Variants in TRIM55 observed in about 807,000 individuals in gnomAD.
TRIM55 encodes the protein tripartite motif containing 55.
TRIM55 carries 50 observed loss-of-function variants against 60.9 expected under a neutral mutation model. The ratio of observed to expected loss-of-function variants is 0.82; its 90% CI spans 0.65 to 1.04. TRIM55 has a LOEUF of 1.04. Ranked by LOEUF, TRIM55 falls within the 50% of genes least tolerant of loss-of-function variation. The pLI is 0.00. For missense variants in TRIM55, 681 were observed against 666.9 expected (o/e 1.02, Z -0.23); for synonymous variants, 237 against 238.1 (o/e 1.00, Z 0.04).
At chr8:66,128,565 G>C in intron 2 of TRIM55, 89 bp downstream of exon 2, 1 of 1,384,072 alleles carries the variant, frequency 7.2e-7, no homozygotes, top group Non-Finnish European at 9.9e-7. Context: ...CTGAATGCTT[G>C]TTTATCAATC....
upstream of TRIM55, among the ~76,000 whole-genome samples, chr8:66,122,050 A>C (rs952545797): frequency 5.3e-5 from 8 of 152,130 alleles, no homozygotes; most frequent in African/African-American, 1.9e-4. Flanking sequence ...TACAGCTCAC[A>C]CACCCACCCC....
chr8:66,168,305 G>A (rs1811434865), intron 9 of TRIM55, among the ~76,000 whole-genome samples: 1 of 152,146 alleles, frequency 6.6e-6, no homozygotes, highest in Admixed American at 6.5e-5. Context: ...TCTCACCATG[G>A]GTGACTGGCC....
At chr8:66,128,510 C>G (rs1808958917) in intron 2 of TRIM55, 34 bp downstream of exon 2, 1 of 1,591,804 alleles carries the variant, frequency 6.3e-7, no homozygotes, top group Non-Finnish European at 8.5e-7. Flanking sequence ...GTGTCAAGCC[C>G]ATCTGAAACT....
At chr8:66,139,057 A>C (rs369572073) in intron 4 of TRIM55, among the ~76,000 whole-genome samples, 16 of 152,326 alleles carry the variant, frequency 1.1e-4, no homozygotes, top group African/African-American at 3.8e-4. Context: ...ATCCATTTAT[A>C]GAAGGAAAGT....
chr8:66,174,616 T>A lies in TRIM55; in HGVS notation c.*23T>A. ...TGATATTCATTCCAACTGCTGCCCC[T>A]CTGTCTGCCTGGCTGAGATGCATGT... On this transcript the variant is annotated 3_prime_UTR_variant, in exon 10 of 10. Transcript: ENST00000315962. The A allele has an allele frequency of 6.4e-7, 1 of 1,573,108 alleles. No individual in the cohort carries two copies. Among genetic ancestry groups the A allele is most frequent in the Non-Finnish European group, 8.6e-7 (1 of 1,162,268 alleles).
intron 4 of TRIM55, among the ~76,000 whole-genome samples, chr8:66,141,115 C>G (rs1809789038): frequency 6.6e-6 from 1 of 152,134 alleles, no homozygotes; most frequent in Non-Finnish European, 1.5e-5. Context: ...CAAGACCAGC[C>G]CTGAAGCAAT....
At chr8:66,119,670 C>T in the TRIM55 span, among the ~76,000 whole-genome samples, 6 of 152,280 alleles carry the variant, frequency 3.9e-5, no homozygotes, top group East Asian at 9.6e-4. Flanking sequence ...TCACTCTAGC[C>T]AGAGAGTACA....
intron 4 of TRIM55, among the ~76,000 whole-genome samples, chr8:66,140,728 C>G (rs1488356688): frequency 6.6e-6 from 1 of 152,210 alleles, no homozygotes; most frequent in Non-Finnish European, 1.5e-5. Context: ...AGCTTGAGAG[C>G]CTGGTGGATT....
upstream of TRIM55, among the ~76,000 whole-genome samples, chr8:66,126,376 A>G (rs1808818782): frequency 6.6e-6 from 1 of 152,212 alleles, no homozygotes; most frequent in South Asian, 2.1e-4. Context: ...TTTTGGGTGT[A>G]TGTAGGAGGT....
chr8:66,133,893 G>A (rs547385486), intron 2 of TRIM55, among the ~76,000 whole-genome samples: 1 of 151,728 alleles, frequency 6.6e-6, no homozygotes, highest in South Asian at 2.1e-4. Context: ...ATATATGGAC[G>A]GATATATATA....
intron 9 of TRIM55, among the ~76,000 whole-genome samples, chr8:66,169,032 A>C (rs1811473723): frequency 6.6e-6 from 1 of 152,154 alleles, no homozygotes; most frequent in Non-Finnish European, 1.5e-5. Context: ...CATTTAGGGA[A>C]GGGTTGATGC....
Position 66,152,639 on chromosome 8 carries a change from T to C in TRIM55, c.1236+12T>C. On this transcript the variant is annotated intron_variant, in intron 8 of 9. Coordinates refer to ENST00000315962, the MANE Select transcript of TRIM55 (RefSeq NM_184085.2). ...CCCCTGTGACACAGGTAACCCCTCC[T>C]GAGTCTCTTTCTACAGGGCACATGG... 5 of 1,611,930 alleles carry C rather than the reference T, an allele frequency of 3.1e-6. No individual in the cohort carries two copies. The highest frequency in any genetic ancestry group is 3.4e-6 in the Non-Finnish European group (4 of 1,179,020).
intron 9 of TRIM55, among the ~76,000 whole-genome samples, chr8:66,174,123 A>G (rs930263021): frequency 6.6e-6 from 1 of 151,612 alleles, no homozygotes; most frequent in African/African-American, 2.4e-5. Flanking sequence ...CAGTTCCTAG[A>G]GGTTTCAATG....
At chr8:66,137,239 G>A in intron 4 of TRIM55, 49 bp downstream of exon 4, 1 of 1,445,632 alleles carries the variant, frequency 6.9e-7, no homozygotes, top group South Asian at 1.2e-5. Flanking sequence ...GCAATGCCTG[G>A]GGGTTTATGA....
chr8:66,174,633 G>A lies in TRIM55; in HGVS notation c.*40G>A. The A allele has an allele frequency of 1.3e-6, 2 of 1,547,656 alleles. No individual in the cohort carries two copies. Among genetic ancestry groups the A allele is most frequent in the Non-Finnish European group, 1.7e-6 (2 of 1,149,572 alleles). On this transcript the variant is annotated 3_prime_UTR_variant, in exon 10 of 10. Coordinates refer to ENST00000315962, the MANE Select transcript of TRIM55 (RefSeq NM_184085.2). ...GCTGCCCCTCTGTCTGCCTGGCTGAGATGCATGTGGGCAGCAGGAAGCCCA... is the reference window on the plus strand; with the variant it reads ...GCTGCCCCTCTGTCTGCCTGGCTGAAATGCATGTGGGCAGCAGGAAGCCCA...
intron 4 of TRIM55, among the ~76,000 whole-genome samples, chr8:66,147,031 T>A (rs1391071910): frequency 5.3e-5 from 8 of 152,200 alleles, no homozygotes; most frequent in African/African-American, 1.9e-4. Flanking sequence ...TTCCTCCACC[T>A]ACACAAAGGG....
At chr8:66,152,857 T>A (rs1810518375) in intron 8 of TRIM55, among the ~76,000 whole-genome samples, 1 of 152,036 alleles carries the variant, frequency 6.6e-6, no homozygotes, top group African/African-American at 2.4e-5. Context: ...AATACAACTT[T>A]CCCACCAGTA....
upstream of TRIM55, among the ~76,000 whole-genome samples, chr8:66,125,249 C>CT (rs1486607261): frequency 6.6e-6 from 1 of 152,238 alleles, no homozygotes; most frequent in African/African-American, 2.4e-5. Flanking sequence ...GTCTCAGGTA[C>CT]TTTTTGGCTT....
chr8:66,155,526 A>G (rs955135315), intron 9 of TRIM55: 1 of 876,580 alleles, frequency 1.1e-6, no homozygotes, highest in African/African-American at 1.7e-5. Flanking sequence ...AAGAGCACGT[A>G]GTAGGGCTCA....
Sources: allele counts gnomAD v4.1 joint callset (sites outside exome capture counted in the v4.1 genomes callset), GRCh38; gene constraint gnomAD v4.1.1; transcripts MANE v1.5; gene names NCBI Gene and HGNC (gene_info 2026-07-23, HGNC 2026-07-21).